The following TBXT variants were observed in gnomAD, a reference collection of about 807,000 sequenced individuals.
The protein encoded by TBXT is T-box transcription factor T.
TBXT carries 19 observed loss-of-function variants against 41.1 expected under a neutral mutation model. The ratio of observed to expected loss-of-function variants is 0.46; its 90% CI spans 0.32 to 0.68. The LOEUF (loss-of-function observed/expected upper bound fraction) is 0.68, where lower values mean the gene tolerates loss of function less well. Among genes scored for constraint, TBXT ranks in the 30% least tolerant of loss-of-function variants. The pLI is 0.03. For synonymous variants in TBXT, 213 were observed against 238.9 expected (o/e 0.89, Z 1.00); for missense variants, 536 against 582.0 (o/e 0.92, Z 0.81).
At chr6:166,162,263 G>A (rs570101573) in intron 6 of TBXT, among the ~76,000 whole-genome samples, 184 bp downstream of exon 6, 28 of 152,382 alleles carry the variant, frequency 1.8e-4, no homozygotes, top group South Asian at 1.2e-3. Flanking sequence ...TGTTCCGCCA[G>A]CAGCGGCAGT....
chr6:166,159,352 T>C (rs1259810938), intron 7 of TBXT, among the ~76,000 whole-genome samples: 1 of 149,730 alleles, frequency 6.7e-6, no homozygotes, highest in East Asian at 2.0e-4. Flanking sequence ...GACCAGCCTC[T>C]CCTCAAACAC....
chr6:166,166,051 A>C (rs1345474328), intron 2 of TBXT, among the ~76,000 whole-genome samples: 3 of 152,186 alleles, frequency 2.0e-5, no homozygotes, highest in African/African-American at 7.2e-5. Flanking sequence ...GATGCTACAC[A>C]CCATTAAAAG....
At chr6:166,159,974 A>G (rs1778904459) in intron 7 of TBXT, among the ~76,000 whole-genome samples, 1 of 152,164 alleles carries the variant, frequency 6.6e-6, no homozygotes, top group Admixed American at 6.5e-5. Flanking sequence ...TCTTATTATG[A>G]AGGAACTGTT....
At position 166,158,317 on chromosome 6, in the gene TBXT, A is replaced by C; in HGVS notation, c.1309T>G (p.Ter437GlyextTer20). 6.2e-7 allele frequency: 1 copy of C among 1,614,272 alleles called. No individual in the cohort carries two copies. The highest frequency in any genetic ancestry group is 2.2e-5 in the East Asian group (1 of 44,892). ...TTCGGGACCTGGGCCTTGCTGCTTCACATGGAAGGTGGCGACACAGGTGTC... is the reference window on the plus strand; with the variant it reads ...TTCGGGACCTGGGCCTTGCTGCTTCCCATGGAAGGTGGCGACACAGGTGTC... The part of the protein sequence containing the change: ...SWTPVSPPSM[*>G] Residue 437 changes from the stop codon to glycine, a stop_lost, in exon 8 of 8, where the codon TGA becomes GGA. Coordinates refer to ENST00000366876, the MANE Select transcript of TBXT (RefSeq NM_001366285.2).
At chr6:166,159,043 A>G (rs1282947119) in intron 7 of TBXT, among the ~76,000 whole-genome samples, 1 of 152,206 alleles carries the variant, frequency 6.6e-6, no homozygotes, top group Admixed American at 6.5e-5. Context: ...ATGGTGGCAC[A>G]TGCCTGTAAT....
At position 166,165,926 on chromosome 6, in the gene TBXT, C is replaced by A. The variant is rs532258033; in HGVS notation, c.472-86G>T. The A allele has an allele frequency of 4.4e-6, 7 of 1,583,886 alleles. No homozygotes were observed. The Admixed American group carries it at 1.2e-4, about 26-fold the overall frequency. On this transcript the variant is annotated intron_variant, in intron 2 of 7. Transcript: ENST00000366876. The stretch of plus-strand genomic sequence containing the variant: ...TCCATTTCTCCAGGATGCAGAAAGT[C>A]CTCTGGATCCCAAGAAAGTGTCTCT...
chr6:166,166,224 C>G (rs1337847395), intron 2 of TBXT, among the ~76,000 whole-genome samples: 1 of 152,154 alleles, frequency 6.6e-6, no homozygotes, highest in Non-Finnish European at 1.5e-5. Context: ...TAGAAAAGCA[C>G]GACTTTACAA....
At chr6:166,163,632 A>G (rs994738129) in intron 5 of TBXT, among the ~76,000 whole-genome samples, 1 of 152,104 alleles carries the variant, frequency 6.6e-6, no homozygotes, top group Non-Finnish European at 1.5e-5. Context: ...GATCCATCCA[A>G]CTTGGCCTCC....
At position 166,167,738 on chromosome 6, in the gene TBXT, C is replaced by T. The variant is rs1779174218; in HGVS notation, c.-147G>A. On this transcript the variant is annotated 5_prime_UTR_variant, in exon 1 of 8. Coordinates refer to ENST00000366876, the MANE Select transcript of TBXT (RefSeq NM_001366285.2). ...ACGGCTCCCGGGTCCCGGGTCCCGG[C>T]ACAGACCCGGGAGGAGGGCGCGGAC... The T allele has an allele frequency of 9.5e-7, 1 of 1,053,530 alleles. No homozygotes were observed. Among genetic ancestry groups the T allele is most frequent in the East Asian group, 2.6e-5 (1 of 38,542 alleles). 65.3% of individuals were successfully genotyped at this position (1,053,530 alleles called of 1,614,324 possible). A position where few individuals can be genotyped will look rare whatever the true frequency, so the allele number is the denominator to read the frequency against.
chr6:166,166,872 C>A lies in TBXT; in HGVS notation c.207-16G>T, dbSNP rs771511830. On this transcript the variant is annotated splice_polypyrimidine_tract_variant and intron_variant, in intron 1 of 7. Transcript: ENST00000366876. ...AAACATCCTCCTGGAAAACACGGGG[C>A]GGGCGCAGGAGGACCCCGACACTGA... 5.0e-6 allele frequency: 8 copies of A among 1,613,176 alleles called. No homozygotes were observed. In the East Asian group the frequency reaches 1.8e-4, roughly 36 times the overall value.
intron 7 of TBXT, among the ~76,000 whole-genome samples, chr6:166,160,364 G>C (rs547501789): frequency 6.6e-6 from 1 of 152,278 alleles, no homozygotes; most frequent in South Asian, 2.1e-4. Context: ...TCATTTACTA[G>C]CTTTTGTTGG....
At position 166,165,695 on chromosome 6, in the gene TBXT, G is replaced by C; in HGVS notation, c.606+11C>G. ...CACACCGGGAAAGCGATCCGCCTCT[G>C]TCCTTCTCACCTCCTCGTTCTGATA... On this transcript the variant is annotated intron_variant, in intron 3 of 7. Coordinates refer to ENST00000366876, the MANE Select transcript of TBXT (RefSeq NM_001366285.2). 1 of 1,613,816 alleles carries C rather than the reference G, an allele frequency of 6.2e-7. No individual in the cohort carries two copies. Among genetic ancestry groups the C allele is most frequent in the Non-Finnish European group, 8.5e-7 (1 of 1,180,014 alleles).
chr6:166,158,692 T>C, intron 7 of TBXT, 104 bp from the exon 8 acceptor site: 1 of 1,321,498 alleles, frequency 7.6e-7, no homozygotes, highest in Non-Finnish European at 1.0e-6. Context: ...CTGTGTAATA[T>C]GACAGTTTTC....
At chr6:166,162,334 G>C (rs1778983018) in intron 6 of TBXT, 113 bp downstream of exon 6, 3 of 1,256,524 alleles carry the variant, frequency 2.4e-6, no homozygotes, top group Non-Finnish European at 3.4e-6. Flanking sequence ...TTGGGTATGT[G>C]TTCCAGAAAA....
rs1458232438 is a variant in TBXT at position 166,167,516 on chromosome 6, T to G, written c.76A>C (p.Asn26His). The G allele has an allele frequency of 3.7e-6, 6 of 1,605,474 alleles. No individual in the cohort carries two copies. The East Asian group carries it at 1.1e-4, about 30-fold the overall frequency. The change falls in exon 1 of 8, where the codon AAT (asparagine) becomes CAT (histidine). Residue 26 changes from asparagine to histidine, a missense_variant. Asn to His is a moderately conservative substitution (Grantham distance 68, BLOSUM62 1). Coordinates refer to ENST00000366876, the MANE Select transcript of TBXT (RefSeq NM_001366285.2). ...TTCTCGCTGCCCGCCTGCAGCTCAT[T>G]CTCCACGGCGCTCAGCAGGTGGTCC... ...RVDHLLSAVENELQAGSEKGD... is the reference protein window; with the variant it reads ...RVDHLLSAVEHELQAGSEKGD...
Position 166,162,642 on chromosome 6 carries a change from C to T in TBXT, c.731-19G>A, listed in dbSNP as rs1456396388. 3.1e-6 allele frequency: 5 copies of T among 1,597,064 alleles called. No individual in the cohort carries two copies. Among genetic ancestry groups the T allele is most frequent in the Non-Finnish European group, 4.3e-6 (5 of 1,171,036 alleles). ...CCCCCTGCTGTGAGAAAAGACAGTG[C>T]TGAGTAACCTGCATTAGTGCTCCCT... On this transcript the variant is annotated intron_variant, in intron 5 of 7. Coordinates refer to ENST00000366876, the MANE Select transcript of TBXT (RefSeq NM_001366285.2).
chr6:166,158,625 AGGG>A, intron 7 of TBXT, 37 bp from the exon 8 acceptor site: 1 of 1,461,256 alleles, frequency 6.8e-7, no homozygotes, highest in African/African-American at 1.4e-5. Flanking sequence ...GGGCCTGGGC[AGGG>A]GCTGCAGGCC....
rs1778830931 is a variant in TBXT at position 166,157,984 on chromosome 6, C to T, written c.*331G>A. ...TTCTGGTGTGCCAAAGTTGCCAATACACTGTATGAGAAATAAACCAAAAAA... is the reference window on the plus strand; with the variant it reads ...TTCTGGTGTGCCAAAGTTGCCAATATACTGTATGAGAAATAAACCAAAAAA... On this transcript the variant is annotated 3_prime_UTR_variant, in exon 8 of 8. Coordinates refer to ENST00000366876, the MANE Select transcript of TBXT (RefSeq NM_001366285.2). The T allele has an allele frequency of 2.3e-6, 1 of 440,528 alleles. No homozygotes were observed. The allele number at this position is 440,528 out of a possible 1,614,324, so 27.3% of individuals were successfully genotyped here. A position where few individuals can be genotyped will look rare whatever the true frequency, so the allele number is the denominator to read the frequency against.
rs1778840691 is a variant in TBXT, at chr6:166,158,205, T to C, written c.*110A>G. The stretch of plus-strand genomic sequence containing the variant: ...TGAAAAGGAAGTTACTGAGGCTGCA[T>C]TTCCTTCTTAACCTGAGACTGCCAC... On this transcript the variant is annotated 3_prime_UTR_variant, in exon 8 of 8. Coordinates refer to ENST00000366876, the MANE Select transcript of TBXT (RefSeq NM_001366285.2). The C allele has an allele frequency of 6.4e-7, 1 of 1,560,740 alleles. No individual in the cohort carries two copies. The highest frequency in any genetic ancestry group is 1.4e-5 in the African/African-American group (1 of 73,884).
Sources: allele counts gnomAD v4.1 joint callset (sites outside exome capture counted in the v4.1 genomes callset), GRCh38; gene constraint gnomAD v4.1.1; transcripts MANE v1.5; gene names NCBI Gene and HGNC (gene_info 2026-07-23, HGNC 2026-07-21).